PCDHA11: variants seen among roughly 807,000 people sequenced by gnomAD.
PCDHA11 encodes the protein protocadherin alpha 11, also known as protocadherin alpha-11.
PCDHA11 carries 61 observed loss-of-function variants against 70.3 expected under a neutral mutation model. The observed-to-expected ratio is 0.87, with a 90% CI of 0.71 to 1.07. PCDHA11 has a LOEUF of 1.07. PCDHA11 is among the 50% of genes least tolerant of loss of function. The pLI, the probability that PCDHA11 is intolerant of heterozygous loss-of-function variation, is 0.00. For synonymous variants in PCDHA11, 633 were observed against 555.1 expected (o/e 1.14, Z -1.97); for missense variants, 1,324 against 1,237.5 (o/e 1.07, Z -1.05).
At chr5:141,002,907 A>T (rs1201381868) in intron 3 of PCDHA11, among the ~76,000 whole-genome samples, 1 of 152,210 alleles carries the variant, frequency 6.6e-6, no homozygotes, top group Non-Finnish European at 1.5e-5. Flanking sequence ...TGAAGAGAAG[A>T]TCAGAAAAGT....
chr5:140,935,389 C>T (rs559765340), intron 1 of PCDHA11, among the ~76,000 whole-genome samples: 20 of 152,288 alleles, frequency 1.3e-4, no homozygotes, highest in African/African-American at 4.8e-4. Flanking sequence ...CATTTGTTAT[C>T]CCACGGGACT....
In PCDHA11 at chr5:140,871,003, C is replaced by T. The variant is rs782654281; in HGVS notation, c.1900C>T (p.Arg634Cys). Reference protein sequence around the residue: ...GLYTGEISTTRALDEADSPRH... With the variant: ...GLYTGEISTTCALDEADSPRH... ...GTACACGGGCGAGATAAGCACAACG[C>T]GTGCCCTGGACGAGGCAGACTCGCC... is the stretch of plus-strand genomic sequence containing the variant. Residue 634 changes from arginine to cysteine, a missense_variant, in exon 1 of 4, where the codon CGT becomes TGT. Physicochemically the swap from Arg to Cys is radical, Grantham distance 180. Coordinates refer to ENST00000398640, the MANE Select transcript of PCDHA11 (RefSeq NM_018902.5). 2 of 1,613,416 alleles carry T rather than the reference C, an allele frequency of 1.2e-6. No individual in the cohort carries two copies. Among genetic ancestry groups the T allele is most frequent in the Non-Finnish European group, 1.7e-6 (2 of 1,179,866 alleles).
rs73793550 is a variant in PCDHA11 at position 140,989,564 on chromosome 5, C to T, written c.2539+7001C>T. On this transcript the variant is annotated intron_variant, in intron 3 of 3. Transcript: ENST00000398640. ...GTAATTCCTTTACGTTTTGTGGCTC[C>T]GGCAAGCCCTGTCCTCAGCCTCACT... is the stretch of plus-strand genomic sequence containing the variant. Among the ~76,000 whole-genome samples the T allele has an allele frequency of 6.0e-3, 907 of 152,216 alleles. 13 individuals carry two copies. Among genetic ancestry groups the T allele is most frequent in the African/African-American group, 0.021 (852 of 41,530 alleles).
chr5:140,882,245 G>A, intron 1 of PCDHA11: 1 of 1,592,614 alleles, frequency 6.3e-7, no homozygotes, highest in Non-Finnish European at 8.6e-7. Context: ...ATTGCAGATA[G>A]CTCTGAGGTT....
At chr5:140,948,305 T>C (rs1554218512) in intron 1 of PCDHA11, among the ~76,000 whole-genome samples, 1 of 151,622 alleles carries the variant, frequency 6.6e-6, no homozygotes, top group African/African-American at 2.4e-5. Context: ...ATATCTTTTC[T>C]TCTTGAGGGG....
At chr5:140,875,516 T>G in intron 1 of PCDHA11, 1 of 1,613,976 alleles carries the variant, frequency 6.2e-7, no homozygotes, top group Non-Finnish European at 8.5e-7. Context: ...CAGCGTCTGC[T>G]GCTCTCGCTT....
rs1490534322 is a variant in PCDHA11 at position 140,869,060 on chromosome 5, T to C, written c.-44T>C. On this transcript the variant is annotated 5_prime_UTR_variant, in exon 1 of 4. Coordinates refer to ENST00000398640, the MANE Select transcript of PCDHA11 (RefSeq NM_018902.5). ...AACCTGAAACTGAAGAATCTGGTAC[T>C]GTAAGTGTAAAGAAGCTTATTTTGG... 4 of 1,556,804 alleles carry C rather than the reference T, an allele frequency of 2.6e-6. No homozygotes were observed. The highest frequency in any genetic ancestry group is 2.2e-5 in the East Asian group (1 of 44,466).
At chr5:140,876,395 T>G in intron 1 of PCDHA11, 1 of 1,613,920 alleles carries the variant, frequency 6.2e-7, no homozygotes, top group Non-Finnish European at 8.5e-7. Flanking sequence ...TATGGTGAAC[T>G]GGATTTTGAA....
chr5:141,010,438 CA>C lies in PCDHA11; in HGVS notation c.*504del. ...TACAAGGAAGGCAAGAAAACAAAGA[CA>C]AATAAACAGCGGAAGTTATCAGTAT... On this transcript the variant is annotated 3_prime_UTR_variant, in exon 4 of 4. Transcript: ENST00000398640. 1.0e-6 allele frequency: 1 copy of C among 998,926 alleles called. No individual in the cohort carries two copies. The highest frequency in any genetic ancestry group is 1.4e-6 in the Non-Finnish European group (1 of 704,790). The allele number at this position is 998,926 out of a possible 1,614,324, so 61.9% of individuals were successfully genotyped here.
intron 1 of PCDHA11, among the ~76,000 whole-genome samples, chr5:140,892,931 G>A (rs77081198): frequency 0.011 from 1,609 of 152,196 alleles, 17 homozygotes; most frequent in African/African-American, 0.028. Flanking sequence ...CCCAGCCTCT[G>A]ATAAGCACAA....
At chr5:141,004,810 A>G (rs2098182429) in intron 3 of PCDHA11, among the ~76,000 whole-genome samples, 1 of 152,224 alleles carries the variant, frequency 6.6e-6, no homozygotes, top group Non-Finnish European at 1.5e-5. Flanking sequence ...GCTCAATTGC[A>G]GATTTGATTA....
At chr5:140,875,049 T>C (rs2055250146) in intron 1 of PCDHA11, among the ~76,000 whole-genome samples, 1 of 152,252 alleles carries the variant, frequency 6.6e-6, no homozygotes, top group Non-Finnish European at 1.5e-5. Context: ...ATTTCTACTT[T>C]GAAGCAGAAA....
At chr5:140,963,523 A>T (rs2095769740) in intron 1 of PCDHA11, among the ~76,000 whole-genome samples, 1 of 152,218 alleles carries the variant, frequency 6.6e-6, no homozygotes. Flanking sequence ...CTCATAACAG[A>T]AGTCCCATTT....
rs114930676 is a variant in PCDHA11 at position 140,999,076 on chromosome 5, C to G, written c.2540-10551C>G. ...CATGCCTAAGTAGTCTCCTTCACTT[C>G]CTCCTTCAGAGGGCTATGGAGAGTA... On this transcript the variant is annotated intron_variant, in intron 3 of 3. Transcript: ENST00000398640. Among the ~76,000 whole-genome samples the G allele has an allele frequency of 3.3e-3, 503 of 152,332 alleles. 4 individuals are homozygous for G. The highest frequency in any genetic ancestry group is 0.011 in the African/African-American group (469 of 41,568).
At chr5:140,979,168 G>T in intron 2 of PCDHA11, 161 bp downstream of exon 2, 6 of 966,502 alleles carry the variant, frequency 6.2e-6, no homozygotes, top group Non-Finnish European at 7.4e-6. Context: ...TTCCTTGAAA[G>T]ATCGCAAATG....
chr5:140,926,990 G>T (rs2083733718), intron 1 of PCDHA11: 1 of 1,611,558 alleles, frequency 6.2e-7, no homozygotes, highest in Admixed American at 1.7e-5. Flanking sequence ...ACGGAGCGGG[G>T]CGTAGCCGTA....
At chr5:140,926,964 C>T (rs149218057) in intron 1 of PCDHA11, 1 of 1,606,346 alleles carries the variant, frequency 6.2e-7, no homozygotes, top group Non-Finnish European at 8.5e-7. Flanking sequence ...AGCTCGAGTA[C>T]TCAGTGCCGG....
chr5:140,930,859 G>GAT lies in PCDHA11; in HGVS notation c.2392-48089_2392-48088dup, dbSNP rs1554208143. On this transcript the variant is annotated intron_variant, in intron 1 of 3. Transcript: ENST00000398640. ...AATAAATATGTGCATATATGAATTG[G>GAT]ATGGTAACACTGTTCAACACAGAGG... Among the ~76,000 whole-genome samples, 803 of 152,288 alleles carry GAT rather than the reference G, an allele frequency of 5.3e-3. 3 individuals are homozygous for GAT. Among genetic ancestry groups the GAT allele is most frequent in the Non-Finnish European group, 8.4e-3 (568 of 68,020 alleles).
chr5:140,920,692 A>G (rs552577858), intron 1 of PCDHA11, among the ~76,000 whole-genome samples: 2 of 152,232 alleles, frequency 1.3e-5, no homozygotes, highest in Non-Finnish European at 2.9e-5. Flanking sequence ...AAAAATACAA[A>G]CATTAGCTTG....
Sources: gnomAD v4.1 joint callset for allele counts (sites outside exome capture counted in the v4.1 genomes callset) on GRCh38, gnomAD v4.1.1 for gene constraint, MANE v1.5 for transcripts, NCBI Gene and HGNC (gene_info 2026-07-23, HGNC 2026-07-21) for gene names.